ROCK1: variants seen among roughly 807,000 people sequenced by gnomAD.
ROCK1 encodes the protein rho-associated protein kinase 1.
A neutral mutation model predicts 196.8 loss-of-function variants in ROCK1; 36 were observed. The ratio of observed to expected loss-of-function variants is 0.18; its 90% CI spans 0.14 to 0.24. The LOEUF (loss-of-function observed/expected upper bound fraction) is 0.24. Among genes scored for constraint, ROCK1 ranks in the 10% least tolerant of loss-of-function variants. The pLI is 1.00. For synonymous variants in ROCK1, 443 were observed against 515.9 expected, an observed-to-expected ratio of 0.86 and a Z score of 1.91; for missense variants, 920 against 1,562.0, an observed-to-expected ratio of 0.59 and a Z score of 6.93.
chr18:21,073,944 G>A (rs1283490274), intron 1 of ROCK1, among the ~76,000 whole-genome samples: 1 of 152,136 alleles, frequency 6.6e-6, no homozygotes, highest in African/African-American at 2.4e-5. Context: ...CTTGAAACCA[G>A]GAGTTCAAGA....
intron 1 of ROCK1, among the ~76,000 whole-genome samples, chr18:21,077,415 G>T (rs2036442559): frequency 6.6e-6 from 1 of 152,064 alleles, no homozygotes; most frequent in Admixed American, 6.5e-5. Flanking sequence ...AAGGACTAAG[G>T]CAAGAACCTA....
chr18:21,079,745 C>T lies in ROCK1; in HGVS notation c.94-9132G>A, dbSNP rs150711490. 2.2e-4 allele frequency among the ~76,000 whole-genome samples: 34 copies of T among 152,274 alleles called. No homozygotes were observed. The East Asian group carries it at 6.6e-3, about 29-fold the overall frequency. On this transcript the variant is annotated intron_variant, in intron 1 of 32. Coordinates refer to ENST00000399799, the MANE Select transcript of ROCK1 (RefSeq NM_005406.3). ...TACTAAAAGAACTGGGTCGATTGTA[C>T]AGAACTTGTAAAGGTCTGGGTTGTC...
At chr18:20,952,981 G>A (rs1050927941) in intron 32 of ROCK1, among the ~76,000 whole-genome samples, 2 of 152,118 alleles carry the variant, frequency 1.3e-5, no homozygotes, top group Non-Finnish European at 2.9e-5. Context: ...CGAGGGATGG[G>A]GGGCTAGGGC....
chr18:21,008,242 A>C (rs762696535), intron 13 of ROCK1, 48 bp from the exon 14 acceptor site: 3 of 1,364,942 alleles, frequency 2.2e-6, no homozygotes, highest in Non-Finnish European at 3.0e-6. Flanking sequence ...TACTCTGGTC[A>C]TTCATTCAAG....
At chr18:21,085,001 G>A (rs2036514060) in intron 1 of ROCK1, among the ~76,000 whole-genome samples, 1 of 152,068 alleles carries the variant, frequency 6.6e-6, no homozygotes, top group Admixed American at 6.6e-5. Flanking sequence ...GACAAAAAAG[G>A]AAAAATATTG....
At chr18:21,102,234 CA>C (rs1376487989) in intron 1 of ROCK1, among the ~76,000 whole-genome samples, 1 of 152,092 alleles carries the variant, frequency 6.6e-6, no homozygotes, top group Non-Finnish European at 1.5e-5. Flanking sequence ...CCATTTTTAA[CA>C]AGTGCCTCAA....
chr18:21,069,057 C>T (rs4800118), intron 2 of ROCK1, among the ~76,000 whole-genome samples: 28,962 of 152,000 alleles, frequency 0.19, 6,196 homozygotes, highest in African/African-American at 0.52. Flanking sequence ...GAAAAGCATT[C>T]GTCTTAAACA....
chr18:21,070,870 C>T (rs1000455272), intron 1 of ROCK1, among the ~76,000 whole-genome samples: 1 of 152,168 alleles, frequency 6.6e-6, no homozygotes, highest in Non-Finnish European at 1.5e-5. Context: ...GATTTCAATC[C>T]ATGCACTTTT....
rs1208455337 is a variant in ROCK1, at chr18:20,957,766, G to A, written c.3512+2074C>T. 3.2e-4 allele frequency among the ~76,000 whole-genome samples: 32 copies of A among 101,470 alleles called. No individual in the cohort carries two copies. The Admixed American group carries it at 3.6e-3, about 11-fold the overall frequency. The allele number at this position is 101,470 out of a possible 152,430, so 66.6% of individuals were successfully genotyped here. A position where few individuals can be genotyped will look rare whatever the true frequency, so the allele number is the denominator to read the frequency against. Reference sequence around the variant, plus strand: ...TCCAAAGTGCTGGGATTACAGGTGTGAGCCACCACAACTGGCCCAAGTGAG... The same window carrying A: ...TCCAAAGTGCTGGGATTACAGGTGTAAGCCACCACAACTGGCCCAAGTGAG... On this transcript the variant is annotated intron_variant, in intron 29 of 32. Transcript: ENST00000399799.
chr18:20,959,957 A>AC (rs1364624499), intron 28 of ROCK1, 29 bp from the exon 29 acceptor site: 1 of 1,361,212 alleles, frequency 7.3e-7, no homozygotes, highest in Non-Finnish European at 1.0e-6. Context: ...GGGAAGAGTT[A>AC]CAAGAGCAAC....
chr18:21,038,744 T>C (rs55650870), intron 9 of ROCK1, among the ~76,000 whole-genome samples: 1,589 of 152,280 alleles, frequency 0.01, 30 homozygotes, highest in African/African-American at 0.036. Flanking sequence ...CTTTCTCTGA[T>C]AGATGAACAG....
rs551059379 is a variant in ROCK1 at position 20,976,343 on chromosome 18, C to G, written c.2654+3567G>C. The stretch of plus-strand genomic sequence containing the variant: ...TGTTCTTGTTCACACAGGTATATTT[C>G]AAATGCCTAGAAAATTGTCTGGAGG... On this transcript the variant is annotated intron_variant, in intron 22 of 32. Coordinates refer to ENST00000399799, the MANE Select transcript of ROCK1 (RefSeq NM_005406.3). Among the ~76,000 whole-genome samples the G allele has an allele frequency of 7.9e-5, 12 of 152,254 alleles. No individual in the cohort carries two copies. The South Asian group carries it at 2.5e-3, about 32-fold the overall frequency.
intron 12 of ROCK1, among the ~76,000 whole-genome samples, 186 bp downstream of exon 12, chr18:21,019,965 C>T (rs537957464): frequency 6.6e-6 from 1 of 151,524 alleles, no homozygotes; most frequent in South Asian, 2.1e-4. Flanking sequence ...GAAAATACAT[C>T]TATAACTAAG....
chr18:21,060,283 T>C (rs1341598282), intron 2 of ROCK1, among the ~76,000 whole-genome samples: 5 of 152,194 alleles, frequency 3.3e-5, no homozygotes, highest in Admixed American at 1.3e-4. Flanking sequence ...GCACAATCAA[T>C]GCAGAAATAT....
At chr18:21,052,715 T>C (rs554913489) in intron 2 of ROCK1, among the ~76,000 whole-genome samples, 1 of 152,178 alleles carries the variant, frequency 6.6e-6, no homozygotes, top group African/African-American at 2.4e-5. Flanking sequence ...GGATCCAGGT[T>C]GCACATTCCT....
chr18:21,045,024 GTTT>G (rs74173710), intron 5 of ROCK1: 5,657 of 153,108 alleles, frequency 0.037, 216 homozygotes, highest in Admixed American at 0.13. Context: ...CCACACCTGT[GTTT>G]TTTTTTTTTT....
Position 20,947,041 on chromosome 18 carries a change from T to C in ROCK1, c.*4343A>G, listed in dbSNP as rs2035134924. The C allele has an allele frequency of 1.3e-5, 2 of 152,242 alleles. No individual in the cohort carries two copies. Among genetic ancestry groups the C allele is most frequent in the Non-Finnish European group, 2.9e-5 (2 of 68,046 alleles). 9.4% of individuals were successfully genotyped at this position (152,242 alleles called of 1,614,324 possible). On this transcript the variant is annotated 3_prime_UTR_variant, in exon 33 of 33. Transcript: ENST00000399799. ...TTTATTTCTAAGCATTTATATTTTT[T>C]CCCTTGAATCTCCAACATCTCAAAT...
At chr18:20,957,556 C>T (rs1255820798) in intron 29 of ROCK1, among the ~76,000 whole-genome samples, 28 of 152,192 alleles carry the variant, frequency 1.8e-4, no homozygotes, top group African/African-American at 6.5e-4. Flanking sequence ...TCTTGGCTCA[C>T]CGCAACCTCA....
At chr18:21,094,578 A>G in intron 1 of ROCK1, among the ~76,000 whole-genome samples, 1 of 5,966 alleles carries the variant, frequency 1.7e-4, no homozygotes, top group Non-Finnish European at 6.9e-3. Context: ...TCTCTACAAA[A>G]AAAGAAAAAA....
Sources: gnomAD v4.1 joint callset for allele counts (sites outside exome capture counted in the v4.1 genomes callset) on GRCh38, gnomAD v4.1.1 for gene constraint, MANE v1.5 for transcripts, NCBI Gene and HGNC (gene_info 2026-07-23, HGNC 2026-07-21) for gene names.